Variants in AUTS2 observed in about 807,000 individuals in gnomAD.
The protein encoded by AUTS2 is autism susceptibility gene 2 protein.
AUTS2 carries 17 observed loss-of-function variants against 112.4 expected under a neutral mutation model. The observed-to-expected ratio is 0.15, with a 90% CI of 0.10 to 0.23. The LOEUF (loss-of-function observed/expected upper bound fraction) is 0.23, where lower values mean the gene tolerates loss of function less well. AUTS2 is among the 10% of genes least tolerant of loss of function. AUTS2 has a pLI of 1.00. For missense variants in AUTS2, 1,510 were observed against 1,701.6 expected (o/e 0.89, Z 1.98); for synonymous variants, 751 against 702.7 (o/e 1.07, Z -1.09).
intron 1 of AUTS2, among the ~76,000 whole-genome samples, chr7:69,881,567 G>T (rs1794045863): frequency 6.6e-6 from 1 of 152,098 alleles, no homozygotes; most frequent in African/African-American, 2.4e-5. Flanking sequence ...GCTTTTTCAG[G>T]ACTTCTTTTT....
chr7:69,925,408 T>G (rs1479830615), intron 2 of AUTS2, among the ~76,000 whole-genome samples: 1 of 152,226 alleles, frequency 6.6e-6, no homozygotes, highest in African/African-American at 2.4e-5. Context: ...AATATTACTT[T>G]AGCAGCACCC....
At chr7:70,406,713 A>C (rs570120139) in intron 4 of AUTS2, among the ~76,000 whole-genome samples, 46 of 152,304 alleles carry the variant, frequency 3.0e-4, no homozygotes. Flanking sequence ...GACCCAAGGC[A>C]TTTCCCAGTG....
chr7:70,553,363 A>G (rs1265791133), intron 5 of AUTS2, among the ~76,000 whole-genome samples: 3 of 152,218 alleles, frequency 2.0e-5, no homozygotes, highest in African/African-American at 7.2e-5. Flanking sequence ...ACCTATTACC[A>G]GGACACCACT....
intron 5 of AUTS2, among the ~76,000 whole-genome samples, chr7:70,625,671 G>A (rs571169783): frequency 1.9e-4 from 29 of 152,258 alleles, no homozygotes; most frequent in South Asian, 1.0e-3. Context: ...GTGCCAGGCC[G>A]TCATGCCCCT....
At chr7:69,659,155 C>A (rs1795673707) in intron 1 of AUTS2, among the ~76,000 whole-genome samples, 1 of 152,116 alleles carries the variant, frequency 6.6e-6, no homozygotes, top group Non-Finnish European at 1.5e-5. Context: ...TTGGAGTATT[C>A]AGGAAGAAAG....
At chr7:70,104,171 T>C (rs1016352836) in intron 2 of AUTS2, among the ~76,000 whole-genome samples, 4 of 144,128 alleles carry the variant, frequency 2.8e-5, no homozygotes, top group Non-Finnish European at 6.1e-5. Flanking sequence ...ATTCAATATA[T>C]ACACCTTTTT....
At chr7:70,752,700 C>T (rs1478788374) in intron 6 of AUTS2, among the ~76,000 whole-genome samples, 1 of 152,146 alleles carries the variant, frequency 6.6e-6, no homozygotes, top group Non-Finnish European at 1.5e-5. Context: ...GTGACAATCA[C>T]ATGGATTATA....
At chr7:70,400,689 G>T (rs1398235484) in intron 4 of AUTS2, among the ~76,000 whole-genome samples, 1 of 152,140 alleles carries the variant, frequency 6.6e-6, no homozygotes, top group East Asian at 1.9e-4. Context: ...AGCAAGGAGA[G>T]TCACTGAAAC....
intron 1 of AUTS2, among the ~76,000 whole-genome samples, chr7:69,747,961 G>A (rs1362161928): frequency 6.6e-6 from 1 of 151,984 alleles, no homozygotes; most frequent in Non-Finnish European, 1.5e-5. Context: ...GGATGGCTTA[G>A]CATTGTATTT....
intron 5 of AUTS2, among the ~76,000 whole-genome samples, chr7:70,461,193 T>G (rs1796947778): frequency 6.7e-6 from 1 of 148,848 alleles, no homozygotes; most frequent in African/African-American, 2.5e-5. Context: ...GTAGGTAACT[T>G]AAGGGCAGAA....
At chr7:69,935,438 T>C in intron 2 of AUTS2, among the ~76,000 whole-genome samples, 1 of 152,154 alleles carries the variant, frequency 6.6e-6, no homozygotes, top group East Asian at 1.9e-4. Context: ...ATTATTCTGG[T>C]TTCAGTCTGG....
At chr7:69,930,602 T>C (rs1466332784) in intron 2 of AUTS2, among the ~76,000 whole-genome samples, 2 of 152,214 alleles carry the variant, frequency 1.3e-5, no homozygotes, top group Non-Finnish European at 2.9e-5. Flanking sequence ...GGCAGGAGAC[T>C]GTATCTAGTC....
chr7:70,196,866 A>G lies in AUTS2; in HGVS notation c.660+62295A>G, dbSNP rs547418777. ...TTGTGAAGTAAGAAAAGGTATATCT[A>G]TAGCAAGTTCAAGGTTCAGATAATT... On this transcript the variant is annotated intron_variant, in intron 4 of 18. Transcript: ENST00000342771. 3.3e-5 allele frequency among the ~76,000 whole-genome samples: 5 copies of G among 152,328 alleles called. No homozygotes were observed. The East Asian group carries it at 7.7e-4, about 23-fold the overall frequency.
intron 5 of AUTS2, among the ~76,000 whole-genome samples, chr7:70,692,176 A>G (rs1306874731): frequency 1.3e-5 from 2 of 152,134 alleles, no homozygotes; most frequent in African/African-American, 2.4e-5. Flanking sequence ...ACTGATGACA[A>G]TCTAATGCAA....
At chr7:70,640,703 A>G (rs1328655933) in intron 5 of AUTS2, among the ~76,000 whole-genome samples, 1 of 152,168 alleles carries the variant, frequency 6.6e-6, no homozygotes, top group Non-Finnish European at 1.5e-5. Flanking sequence ...GTGTGGGCCT[A>G]GAACAGTAAC....
At chr7:69,624,156 T>C (rs1469726116) in intron 1 of AUTS2, among the ~76,000 whole-genome samples, 1 of 152,236 alleles carries the variant, frequency 6.6e-6, no homozygotes, top group Admixed American at 6.5e-5. Context: ...TTCTAAGATC[T>C]ATCTTTTCTG....
chr7:70,544,399 G>A (rs1046426439), intron 5 of AUTS2, among the ~76,000 whole-genome samples: 1 of 152,216 alleles, frequency 6.6e-6, no homozygotes, highest in Non-Finnish European at 1.5e-5. Context: ...GTTGCTGACA[G>A]TGAGGTGGAG....
At chr7:70,703,240 TC>T in intron 6 of AUTS2, among the ~76,000 whole-genome samples, 1 of 152,066 alleles carries the variant, frequency 6.6e-6, no homozygotes, top group Non-Finnish European at 1.5e-5. Flanking sequence ...ATGCCTGTAA[TC>T]CCAGAACTTT....
intron 4 of AUTS2, among the ~76,000 whole-genome samples, chr7:70,262,744 A>G (rs1406460344): frequency 6.6e-6 from 1 of 152,178 alleles, no homozygotes; most frequent in Non-Finnish European, 1.5e-5. Context: ...ATTAAAACCA[A>G]ATGTTTTTGT....
Sources: gnomAD v4.1 joint callset for allele counts (sites outside exome capture counted in the v4.1 genomes callset) on GRCh38, gnomAD v4.1.1 for gene constraint, MANE v1.5 for transcripts, NCBI Gene and HGNC (gene_info 2026-07-23, HGNC 2026-07-21) for gene names.